The following PLEKHA5 variants were observed in gnomAD, a reference collection of about 807,000 sequenced individuals.
The protein encoded by PLEKHA5 is pleckstrin homology domain containing A5.
A neutral mutation model predicts 181.9 loss-of-function variants in PLEKHA5; 55 were observed. The ratio of observed to expected loss-of-function variants is 0.30; its 90% confidence interval spans 0.24 to 0.38. The LOEUF is 0.38. Ranked by LOEUF, PLEKHA5 falls within the 10% of genes least tolerant of loss-of-function variation. PLEKHA5 has a pLI of 1.00. For synonymous variants in PLEKHA5, 535 were observed against 529.4 expected (o/e 1.01, Z -0.15); for missense variants, 1,432 against 1,549.5 (o/e 0.92, Z 1.27).
chr12:19,213,289 T>G (rs2057327568), intron 3 of PLEKHA5, among the ~76,000 whole-genome samples: 1 of 112,230 alleles, frequency 8.9e-6, no homozygotes, highest in African/African-American at 3.0e-5. Context: ...AGGCATTTGC[T>G]AAGCATGGTT....
intron 3 of PLEKHA5, among the ~76,000 whole-genome samples, chr12:19,133,707 AAGC>A (rs2034720303): frequency 6.6e-6 from 1 of 151,974 alleles, no homozygotes; most frequent in South Asian, 2.1e-4. Flanking sequence ...GAAATAGAGA[AAGC>A]AGAAGATACA....
intron 3 of PLEKHA5, among the ~76,000 whole-genome samples, chr12:19,138,022 G>C (rs2151068261): frequency 6.6e-6 from 1 of 152,178 alleles, no homozygotes; most frequent in South Asian, 2.1e-4. Context: ...TCTCAAAGCT[G>C]GCCTATATTT....
intron 3 of PLEKHA5, among the ~76,000 whole-genome samples, chr12:19,211,365 C>T (rs536358125): frequency 7.2e-5 from 11 of 151,934 alleles, no homozygotes; most frequent in African/African-American, 2.7e-4. Flanking sequence ...GTGGGGAGGG[C>T]GGTGGCGAAT....
Position 19,365,829 on chromosome 12 carries a change from AAAAG to A in PLEKHA5, c.3609-127_3609-124del, listed in dbSNP as rs568930319. 825 of 602,758 alleles carry A rather than the reference AAAAG, an allele frequency of 1.4e-3. 1 individual carries two copies. Among genetic ancestry groups the A allele is most frequent in the Non-Finnish European group, 2.0e-3 (726 of 357,252 alleles). 37.3% of individuals were successfully genotyped at this position (602,758 alleles called of 1,614,324 possible). On this transcript the variant is annotated intron_variant, in intron 29 of 31. Coordinates refer to ENST00000429027, the MANE Select transcript of PLEKHA5 (RefSeq NM_001256470.2). ...TCTAATTCTTTTGTTTGAAACTTTC[AAAAG>A]AAAGAAAAGATTAATTGTAAGAAAA...
intron 3 of PLEKHA5, among the ~76,000 whole-genome samples, chr12:19,216,385 G>A (rs60037831): frequency 0.096 from 14,526 of 152,080 alleles, 976 homozygotes; most frequent in African/African-American, 0.19. Context: ...TCTGTTGGCC[G>A]GGCACAGTGG....
At chr12:19,206,597 A>G (rs2055594825) in intron 3 of PLEKHA5, among the ~76,000 whole-genome samples, 1 of 152,118 alleles carries the variant, frequency 6.6e-6, no homozygotes, top group Admixed American at 6.6e-5. Flanking sequence ...AACGATAGGA[A>G]GAGACTACTG....
intron 25 of PLEKHA5, among the ~76,000 whole-genome samples, chr12:19,353,584 C>T (rs183121196): frequency 1.1e-4 from 16 of 152,226 alleles, no homozygotes; most frequent in Non-Finnish European, 2.1e-4. Flanking sequence ...CTCAGCCTCC[C>T]GAGTAGTTGG....
intron 25 of PLEKHA5, among the ~76,000 whole-genome samples, chr12:19,351,757 T>C (rs1161546785): frequency 6.6e-6 from 1 of 151,964 alleles, no homozygotes; most frequent in Non-Finnish European, 1.5e-5. Context: ...ACAAATATAA[T>C]TGGACTGAAT....
chr12:19,291,424 C>G (rs1471808241), intron 14 of PLEKHA5, among the ~76,000 whole-genome samples: 1 of 152,136 alleles, frequency 6.6e-6, no homozygotes, highest in African/African-American at 2.4e-5. Flanking sequence ...GTTCATTGTT[C>G]ATATGCATGT....
At position 19,345,856 on chromosome 12, in the gene PLEKHA5, A is replaced by T; in HGVS notation, c.2677A>T (p.Lys893Ter). The stretch of plus-strand genomic sequence containing the variant: ...AATATTCCCAGGTATGATAGGATCA[A>T]AGCCTTTCTCAACAGTTAAGTACAA... Reference protein sequence around the residue: ...GTTEIGMIGSKPFSTVKYKNE... With the variant: ...GTTEIGMIGS The change falls in exon 23 of 32, where the codon AAG (lysine) becomes TAG (stop). Residue 893 changes from lysine (K) to a stop codon, truncating the protein, a stop_gained. Coordinates refer to ENST00000429027, the MANE Select transcript of PLEKHA5 (RefSeq NM_001256470.2). LOFTEE classifies it high-confidence loss of function. The T allele has an allele frequency of 6.8e-7, 1 of 1,480,856 alleles. No individual in the cohort carries two copies. The highest frequency in any genetic ancestry group is 9.4e-7 in the Non-Finnish European group (1 of 1,064,904). 91.7% of individuals were successfully genotyped at this position (1,480,856 alleles called of 1,614,324 possible).
chr12:19,231,057 T>A (rs1041888452), intron 3 of PLEKHA5, among the ~76,000 whole-genome samples: 3 of 152,176 alleles, frequency 2.0e-5, no homozygotes, highest in Admixed American at 6.5e-5. Context: ...TCCTGTACTG[T>A]GGTTTTTTTT....
chr12:19,197,676 C>CTGTGTGTGTGTGTGTG lies in PLEKHA5; in HGVS notation c.228-56222_228-56207dup, dbSNP rs3056412. 3.6e-5 allele frequency among the ~76,000 whole-genome samples: 4 copies of CTGTGTGTGTGTGTGTG among 110,930 alleles called. 1 individual carries two copies. Among genetic ancestry groups the CTGTGTGTGTGTGTGTG allele is most frequent in the African/African-American group, 1.0e-4 (3 of 29,644 alleles). 72.8% of individuals were successfully genotyped at this position (110,930 alleles called of 152,430 possible). ...TTGAAGTCACAGAGTCTATCCGGTG[C>CTGTGTGTGTGTGTGTG]TGTGTGTGTGTGTGTGTGTGTGTGT... is the stretch of plus-strand genomic sequence containing the variant. On this transcript the variant is annotated intron_variant, in intron 3 of 31. Transcript: ENST00000429027.
intron 31 of PLEKHA5, among the ~76,000 whole-genome samples, chr12:19,370,072 C>G (rs1267356394): frequency 6.6e-6 from 1 of 152,224 alleles, no homozygotes; most frequent in Non-Finnish European, 1.5e-5. Context: ...CCAAGACTTG[C>G]AGTGTTGTGC....
At chr12:19,140,538 C>T (rs891211670) in intron 3 of PLEKHA5, among the ~76,000 whole-genome samples, 1 of 152,200 alleles carries the variant, frequency 6.6e-6, no homozygotes, top group Non-Finnish European at 1.5e-5. Flanking sequence ...CCAAGAGAAT[C>T]TTTTGGACTA....
In PLEKHA5 at chr12:19,211,847, A is replaced by T. The variant is rs144126022; in HGVS notation, c.228-42093A>T. 1.9e-3 allele frequency among the ~76,000 whole-genome samples: 293 copies of T among 152,284 alleles called. 1 individual carries two copies. Among genetic ancestry groups the T allele is most frequent in the African/African-American group, 6.7e-3 (280 of 41,558 alleles). On this transcript the variant is annotated intron_variant, in intron 3 of 31. Coordinates refer to ENST00000429027, the MANE Select transcript of PLEKHA5 (RefSeq NM_001256470.2). ...CAGTTTGGTTGTTTTAAAGTTACTT[A>T]CCTTTTTTAAAGTTTAAAGCAGGAG...
chr12:19,228,312 C>T (rs2059969320), intron 3 of PLEKHA5, among the ~76,000 whole-genome samples: 1 of 152,216 alleles, frequency 6.6e-6, no homozygotes, highest in Admixed American at 6.5e-5. Context: ...CATTATACAA[C>T]TAAGCCAAAC....
chr12:19,353,829 A>G, intron 25 of PLEKHA5, 55 bp from the exon 26 acceptor site: 1 of 805,430 alleles, frequency 1.2e-6, no homozygotes, highest in Non-Finnish European at 2.2e-6. Context: ...AGCTAAAAGA[A>G]AGCAATGCTG....
intron 3 of PLEKHA5, among the ~76,000 whole-genome samples, chr12:19,184,742 A>G (rs2049420876): frequency 6.6e-6 from 1 of 152,196 alleles, no homozygotes; most frequent in Non-Finnish European, 1.5e-5. Context: ...TTTGGTTTTT[A>G]AAAATGCGGG....
chr12:19,352,238 A>G (rs916235762), intron 25 of PLEKHA5, among the ~76,000 whole-genome samples: 2 of 151,154 alleles, frequency 1.3e-5, no homozygotes, highest in Non-Finnish European at 1.5e-5. Context: ...AAAATAAATT[A>G]GCCAGGCGTG....
Sources: gnomAD v4.1 joint callset for allele counts (sites outside exome capture counted in the v4.1 genomes callset) on GRCh38, gnomAD v4.1.1 for gene constraint, MANE v1.5 for transcripts, NCBI Gene and HGNC (gene_info 2026-07-23, HGNC 2026-07-21) for gene names.